The following CHST9 variants were observed in gnomAD, a reference collection of about 807,000 sequenced individuals.
The protein encoded by CHST9 is carbohydrate sulfotransferase 9.
A neutral mutation model predicts 44.4 loss-of-function variants in CHST9; 41 were observed. The ratio of observed to expected loss-of-function variants is 0.92; its 90% confidence interval spans 0.72 to 1.20. The LOEUF (loss-of-function observed/expected upper bound fraction) is 1.20, where lower values mean the gene tolerates loss of function less well. CHST9 is among the 50% of genes most tolerant of loss of function. The pLI is 0.00. For synonymous variants in CHST9, 171 were observed against 178.4 expected, an observed-to-expected ratio of 0.96 and a Z score of 0.33; for missense variants, 504 against 516.5, an observed-to-expected ratio of 0.98 and a Z score of 0.23.
chr18:27,070,502 C>A (rs141765005), intron 2 of CHST9, among the ~76,000 whole-genome samples: 72 of 152,250 alleles, frequency 4.7e-4, no homozygotes, highest in Middle Eastern at 3.4e-3. Flanking sequence ...AAATGTCAAA[C>A]CTTTTAGCCT....
chr18:27,090,480 A>G (rs1006904400), intron 2 of CHST9, among the ~76,000 whole-genome samples: 14 of 152,174 alleles, frequency 9.2e-5, no homozygotes, highest in African/African-American at 2.9e-4. Context: ...TTTGGCTTCT[A>G]TTGCCATTGC....
chr18:27,098,182 T>C (rs2058135869), intron 2 of CHST9, among the ~76,000 whole-genome samples: 1 of 151,744 alleles, frequency 6.6e-6, no homozygotes, highest in Non-Finnish European at 1.5e-5. Flanking sequence ...AAGACATTTA[T>C]GTGGCGAAAA....
At chr18:26,969,880 G>T (rs1209611383) in intron 4 of CHST9, among the ~76,000 whole-genome samples, 1 of 79,712 alleles carries the variant, frequency 1.3e-5, no homozygotes, top group Non-Finnish European at 2.3e-5. Context: ...AATAGAATTT[G>T]TTATATTTCC....
intron 1 of CHST9, among the ~76,000 whole-genome samples, chr18:27,182,478 T>G (rs1323019806): frequency 6.6e-6 from 1 of 152,188 alleles, no homozygotes; most frequent in South Asian, 2.1e-4. Flanking sequence ...CATCACTATC[T>G]TTTTCCTCAA....
chr18:27,099,100 A>G (rs748601241), intron 2 of CHST9, among the ~76,000 whole-genome samples: 3 of 152,196 alleles, frequency 2.0e-5, no homozygotes, highest in Non-Finnish European at 2.9e-5. Flanking sequence ...AGAACTCTCT[A>G]TTCAATAAAT....
chr18:27,117,644 A>AT (rs2040571977), intron 2 of CHST9, among the ~76,000 whole-genome samples: 1 of 152,108 alleles, frequency 6.6e-6, no homozygotes, highest in African/African-American at 2.4e-5. Flanking sequence ...ATCATACAGT[A>AT]TGTAGCCTTT....
chr18:27,153,860 T>A (rs2058678449), intron 1 of CHST9, among the ~76,000 whole-genome samples: 1 of 152,046 alleles, frequency 6.6e-6, no homozygotes, highest in Non-Finnish European at 1.5e-5. Flanking sequence ...AGAGCCTCAG[T>A]TGGATGGTTA....
chr18:27,053,250 AAGAAGAAGAAGG>A (rs2057602104), intron 2 of CHST9, among the ~76,000 whole-genome samples: 3 of 87,222 alleles, frequency 3.4e-5, no homozygotes, highest in African/African-American at 1.2e-4. Context: ...GAAGAAGAAG[AAGAAGAAGAAGG>A]AGAAGGAGAA....
chr18:26,984,851 A>G (rs1487773052), intron 4 of CHST9, among the ~76,000 whole-genome samples: 1 of 152,170 alleles, frequency 6.6e-6, no homozygotes, highest in East Asian at 1.9e-4. Flanking sequence ...AACAATGCCA[A>G]GTGTTAGTGA....
chr18:27,095,312 T>G (rs895797153), intron 2 of CHST9, among the ~76,000 whole-genome samples: 1 of 152,078 alleles, frequency 6.6e-6, no homozygotes, highest in African/African-American at 2.4e-5. Context: ...TTAATGAAAA[T>G]TAGGTTGATG....
At chr18:27,176,493 A>G (rs1355380228) in intron 1 of CHST9, among the ~76,000 whole-genome samples, 1 of 152,030 alleles carries the variant, frequency 6.6e-6, no homozygotes, top group African/African-American at 2.4e-5. Flanking sequence ...TAATGTCAAG[A>G]TTAAAACCAG....
rs2055385581 is a variant in CHST9 at position 26,907,507 on chromosome 18, G to T, written c.*8752C>A. ...TCGGAACCATCAGCCTAATGGTGGA[G>T]CTAAAGCAAGGAGAGTGGAAGAGAG... On this transcript the variant is annotated 3_prime_UTR_variant, in exon 6 of 6. Transcript: ENST00000618847. The T allele has an allele frequency of 6.6e-6, 1 of 152,134 alleles. No individual in the cohort carries two copies. Among genetic ancestry groups the T allele is most frequent in the Non-Finnish European group, 1.5e-5 (1 of 68,082 alleles). The allele number at this position is 152,134 out of a possible 1,614,324, so 9.4% of individuals were successfully genotyped here.
chr18:26,933,056 A>G (rs1256297377), intron 5 of CHST9: 1 of 153,684 alleles, frequency 6.5e-6, no homozygotes, highest in Admixed American at 6.5e-5. Context: ...CTGTTTCAGA[A>G]TGAGGAGGAC....
At chr18:27,073,769 A>G (rs2057869051) in intron 2 of CHST9, among the ~76,000 whole-genome samples, 2 of 152,068 alleles carry the variant, frequency 1.3e-5, no homozygotes, top group Non-Finnish European at 2.9e-5. Flanking sequence ...GGCTTCTGAC[A>G]TTCAGTACCT....
At chr18:27,126,837 C>A (rs1436486325) in intron 2 of CHST9, among the ~76,000 whole-genome samples, 1 of 152,068 alleles carries the variant, frequency 6.6e-6, no homozygotes, top group Non-Finnish European at 1.5e-5. Flanking sequence ...TTAGGGGCTG[C>A]TGCAGCAACC....
chr18:27,044,093 C>A lies in CHST9; in HGVS notation c.160+4372G>T, dbSNP rs891493797. Among the ~76,000 whole-genome samples, 7 of 151,742 alleles carry A rather than the reference C, an allele frequency of 4.6e-5. No homozygotes were observed. In the South Asian group the frequency reaches 1.5e-3, roughly 32 times the overall value. The stretch of plus-strand genomic sequence containing the variant: ...CTTTATTTTAACCTGGTAAACTACT[C>A]CAATTCTTTCTTCAAGGACTGACTC... On this transcript the variant is annotated intron_variant, in intron 3 of 5. Transcript: ENST00000618847.
intron 1 of CHST9, among the ~76,000 whole-genome samples, chr18:27,164,181 G>A (rs1269496983): frequency 6.6e-6 from 1 of 151,994 alleles, no homozygotes; most frequent in Admixed American, 6.6e-5. Flanking sequence ...CAAAGAATGT[G>A]GGGACAAAAC....
chr18:27,023,902 T>C (rs1179440499), intron 4 of CHST9, among the ~76,000 whole-genome samples: 3 of 152,202 alleles, frequency 2.0e-5, no homozygotes, highest in Non-Finnish European at 2.9e-5. Context: ...GTAAATCCCT[T>C]GAGGACAAGG....
At chr18:27,144,506 C>T (rs2058595740) in intron 1 of CHST9, among the ~76,000 whole-genome samples, 1 of 152,056 alleles carries the variant, frequency 6.6e-6, no homozygotes, top group Non-Finnish European at 1.5e-5. Flanking sequence ...TGGTGAAACC[C>T]TGTCTCTACA....
Sources: gnomAD v4.1 joint callset for allele counts (sites outside exome capture counted in the v4.1 genomes callset) on GRCh38, gnomAD v4.1.1 for gene constraint, MANE v1.5 for transcripts, NCBI Gene and HGNC (gene_info 2026-07-23, HGNC 2026-07-21) for gene names.